The following DIPK1C variants were observed in gnomAD, a reference collection of about 807,000 sequenced individuals.
DIPK1C encodes familial non-conventional Alzheimer's dementia.
A neutral mutation model predicts 28.0 loss-of-function variants in DIPK1C; 33 were observed. That is an observed-to-expected ratio of 1.18 (90% CI 0.89 to 1.58). The LOEUF (loss-of-function observed/expected upper bound fraction) is 1.58, where lower values mean the gene tolerates loss of function less well. Among genes scored for constraint, DIPK1C ranks in the 40% most tolerant of loss-of-function variants. The pLI is 0.00. For missense variants in DIPK1C, 569 were observed against 568.5 expected, an observed-to-expected ratio of 1.00 and a Z score of -0.01; for synonymous variants, 255 against 248.8, an observed-to-expected ratio of 1.02 and a Z score of -0.23.
upstream of DIPK1C, among the ~76,000 whole-genome samples, chr18:74,458,603 G>GCA: frequency 7.5e-6 from 1 of 132,548 alleles, no homozygotes; most frequent in Non-Finnish European, 1.6e-5. Context: ...ACAGACCCTT[G>GCA]GGGTTTGGGT....
upstream of DIPK1C, among the ~76,000 whole-genome samples, chr18:74,459,065 T>A (rs1986578973): frequency 6.6e-6 from 1 of 152,214 alleles, no homozygotes; most frequent in Non-Finnish European, 1.5e-5. Flanking sequence ...ATCACACCAC[T>A]GCACTCTAGC....
intron 2 of DIPK1C, among the ~76,000 whole-genome samples, chr18:74,443,833 ATTC>A (rs757253244): frequency 3.4e-5 from 5 of 148,898 alleles, no homozygotes; most frequent in African/African-American, 4.9e-5. Flanking sequence ...CGACTCTTCT[ATTC>A]TTTCTATGGT....
At chr18:74,449,716 C>T (rs1368103481) in intron 1 of DIPK1C, among the ~76,000 whole-genome samples, 2 of 152,152 alleles carry the variant, frequency 1.3e-5, no homozygotes, top group East Asian at 1.9e-4. Context: ...GTGACACCAC[C>T]CTATTTGCCT....
Position 74,436,406 on chromosome 18 carries a change from A to G in DIPK1C, c.*95T>C, listed in dbSNP as rs943223719. On this transcript the variant is annotated 3_prime_UTR_variant, in exon 4 of 4. Transcript: ENST00000343998. ...TGGAGACCAGAACGGCACCCCAGAGAGCACAGGGGAAATGGCTCATCTTTA... is the reference window on the plus strand; with the variant it reads ...TGGAGACCAGAACGGCACCCCAGAGGGCACAGGGGAAATGGCTCATCTTTA... 1.6e-6 allele frequency: 2 copies of G among 1,235,760 alleles called. No individual in the cohort carries two copies. Among genetic ancestry groups the G allele is most frequent in the Middle Eastern group, 2.9e-4 (1 of 3,494 alleles). 76.5% of individuals were successfully genotyped at this position (1,235,760 alleles called of 1,614,324 possible). A position where few individuals can be genotyped will look rare whatever the true frequency, so the allele number is the denominator to read the frequency against.
At chr18:74,440,833 C>A (rs1986106248) in intron 3 of DIPK1C, among the ~76,000 whole-genome samples, 1 of 152,222 alleles carries the variant, frequency 6.6e-6, no homozygotes, top group African/African-American at 2.4e-5. Context: ...AGAATGATTT[C>A]ATGACGAACC....
the DIPK1C span, among the ~76,000 whole-genome samples, chr18:74,463,890 C>T: frequency 6.6e-5 from 10 of 152,172 alleles, no homozygotes; most frequent in South Asian, 2.1e-4. Context: ...CAGCAGCAGA[C>T]GGAAGAAGAA....
At chr18:74,448,999 C>G (rs898298557) in intron 1 of DIPK1C, among the ~76,000 whole-genome samples, 2 of 152,044 alleles carry the variant, frequency 1.3e-5, no homozygotes, top group Non-Finnish European at 2.9e-5. Context: ...GTCCCAGCTA[C>G]TAGGGAGGCT....
At chr18:74,458,603 G>GGGCTTTGGGTGTCACTCAATCAACAGCA (rs1986568543), upstream of DIPK1C, among the ~76,000 whole-genome samples, 1 of 132,442 alleles carries the variant, frequency 7.6e-6, no homozygotes. Flanking sequence ...ACAGACCCTT[G>GGGCTTTGGGTGTCACTCAATCAACAGCA]GGGTTTGGGT....
chr18:74,451,564 T>G (rs1008323117), intron 1 of DIPK1C, among the ~76,000 whole-genome samples: 2 of 152,224 alleles, frequency 1.3e-5, no homozygotes, highest in African/African-American at 4.8e-5. Flanking sequence ...AAACAGGAGT[T>G]GTGAGACATT....
Position 74,446,845 on chromosome 18 carries a change from G to A in DIPK1C, c.637C>T (p.Leu213=), listed in dbSNP as rs574324944. The A allele has an allele frequency of 3.5e-5, 52 of 1,506,384 alleles. No homozygotes were observed. In the African/African-American group the frequency reaches 6.5e-4, roughly 19 times the overall value. The allele number at this position is 1,506,384 out of a possible 1,614,324, so 93.3% of individuals were successfully genotyped here. ...QDLSPHVLPV[L]GSCGHFYAVE... ...GCGTAGAAGTGGCCGCAGGAACCCA[G>A]CACGGGCAGCACGTGTGGGCTCAGG... The change falls in exon 2 of 4, where the codon CTG becomes TTG. Residue 213 remains leucine (L), a synonymous_variant. Transcript: ENST00000343998.
rs763730057 is a variant in DIPK1C at position 74,442,006 on chromosome 18, T to C, written c.987A>G (p.Arg329=). 6.2e-7 allele frequency: 1 copy of C among 1,614,188 alleles called. No homozygotes were observed. The highest frequency in any genetic ancestry group is 1.7e-5 in the Admixed American group (1 of 60,012). ...EDCNFFDCFS[R]CDLRVNKCGA... is the part of the protein sequence containing the mutation. ...CGCATTTGTTGACTCGTAAATCACA[T>C]CTTGAAAAACAGTCAAAGAAATTGC... The change falls in exon 3 of 4, where the codon AGA becomes AGG. Residue 329 remains arginine (R), a synonymous_variant. Coordinates refer to ENST00000343998, the MANE Select transcript of DIPK1C (RefSeq NM_001044369.3).
upstream of DIPK1C, among the ~76,000 whole-genome samples, chr18:74,461,344 T>TTCCTTCCTTCCTTCCTTCC (rs1568268256): frequency 2.5e-5 from 3 of 118,484 alleles, no homozygotes; most frequent in East Asian, 4.7e-4. Flanking sequence ...TCCTTCCTTC[T>TTCCTTCCTTCCTTCCTTCC]TTCCTTCCTT....
chr18:74,454,259 T>C (rs1986457573), intron 1 of DIPK1C, among the ~76,000 whole-genome samples: 1 of 152,076 alleles, frequency 6.6e-6, no homozygotes, highest in African/African-American at 2.4e-5. Context: ...TTCTAGAAAC[T>C]TGTCAGGGGG....
chr18:74,461,344 TTTCCTTCCTTCCTTCC>T (rs35281614), upstream of DIPK1C, among the ~76,000 whole-genome samples: 1 of 118,428 alleles, frequency 8.4e-6, no homozygotes, highest in South Asian at 2.9e-4. Context: ...TCCTTCCTTC[TTTCCTTCCTTCCTTCC>T]TTCCTTCCTT....
chr18:74,451,003 G>T (rs538025460), intron 1 of DIPK1C, among the ~76,000 whole-genome samples: 1 of 152,158 alleles, frequency 6.6e-6, no homozygotes, highest in African/African-American at 2.4e-5. Flanking sequence ...CACAGTGCCC[G>T]GCCTAAGGTG....
intron 1 of DIPK1C, among the ~76,000 whole-genome samples, chr18:74,456,309 G>T (rs1260431371): frequency 6.6e-6 from 1 of 152,252 alleles, no homozygotes; most frequent in Non-Finnish European, 1.5e-5. Flanking sequence ...GCAGCAGTCT[G>T]CAAAATGCGA....
chr18:74,439,847 T>C (rs1320058320), intron 3 of DIPK1C, among the ~76,000 whole-genome samples: 1 of 151,140 alleles, frequency 6.6e-6, no homozygotes, highest in East Asian at 1.9e-4. Flanking sequence ...AAATAAAAAG[T>C]AAAAAAGTAA....
chr18:74,447,461 G>A lies in DIPK1C; in HGVS notation c.199-178C>T, dbSNP rs1318330910. 1.3e-5 allele frequency among the ~76,000 whole-genome samples: 2 copies of A among 152,214 alleles called. No individual in the cohort carries two copies. Among genetic ancestry groups the A allele is most frequent in the Non-Finnish European group, 1.5e-5 (1 of 68,036 alleles). Reference sequence around the variant, plus strand: ...CCACTCAGCCAGTGAGTAATTCAGAGGAAGGTTAAAGGAGCCGCTCACAGT... The same window carrying A: ...CCACTCAGCCAGTGAGTAATTCAGAAGAAGGTTAAAGGAGCCGCTCACAGT... On this transcript the variant is annotated intron_variant, in intron 1 of 3. Coordinates refer to ENST00000343998, the MANE Select transcript of DIPK1C (RefSeq NM_001044369.3). The surrounding 1 kb of genome is among the most constrained non-coding windows in gnomAD (Gnocchi z 4.1).
chr18:74,453,674 A>G (rs1811034187), intron 1 of DIPK1C, among the ~76,000 whole-genome samples: 1 of 152,166 alleles, frequency 6.6e-6, no homozygotes, highest in African/African-American at 2.4e-5. Context: ...ATGATTTGCT[A>G]TGGAAGGGTT....
Sources: gnomAD v4.1 joint callset for allele counts (sites outside exome capture counted in the v4.1 genomes callset) on GRCh38, gnomAD v4.1.1 for gene constraint, Gnocchi (gnomAD v3.1) non-coding constraint, MANE v1.5 for transcripts, NCBI Gene and HGNC (gene_info 2026-07-23, HGNC 2026-07-21) for gene names.